TMEM47: variants seen among roughly 807,000 people sequenced by gnomAD.
The protein encoded by TMEM47 is transmembrane protein 47, also known as brain cell membrane protein 1.
A neutral mutation model predicts 12.4 loss-of-function variants in TMEM47; 3 were observed. That is an observed-to-expected ratio of 0.24 (90% CI 0.11 to 0.63). The LOEUF (loss-of-function observed/expected upper bound fraction) is 0.63. Among genes scored for constraint, TMEM47 ranks in the 20% least tolerant of loss-of-function variants. The pLI is 0.86. For synonymous variants in TMEM47, 62 were observed against 63.3 expected (o/e 0.98, Z 0.10); for missense variants, 89 against 143.8 (o/e 0.62, Z 1.95).
At position 34,639,253 on chromosome X, in the gene TMEM47, C is replaced by T; in HGVS notation, c.361G>A (p.Ala121Thr). ...FYRPVAVMLF[A>T]AVVLQVCSLV... ...AAGTAATGAATCTGTTTACCTGCTG[C>T]AAAAAGCATGACCGCAACAGGTCTA... Residue 121 changes from alanine to threonine, a missense_variant, in exon 2 of 3, where the codon GCA becomes ACA. Physicochemically the swap from Ala to Thr is moderately conservative, Grantham distance 58. Transcript: ENST00000275954. The T allele has an allele frequency of 8.4e-7, 1 of 1,188,598 alleles. No individual in the cohort carries two copies. The highest frequency in any genetic ancestry group is 1.1e-6 in the Non-Finnish European group (1 of 883,449).
intron 2 of TMEM47, among the ~76,000 whole-genome samples, chrX:34,634,642 A>G (rs1441928823): frequency 8.9e-6 from 1 of 112,132 alleles, no homozygotes; most frequent in Non-Finnish European, 1.9e-5. Context: ...TTCAACACAC[A>G]TTTACTGAGC....
intron 2 of TMEM47, among the ~76,000 whole-genome samples, chrX:34,636,930 T>C (rs1215716396): frequency 8.9e-6 from 1 of 111,988 alleles, no homozygotes; most frequent in Non-Finnish European, 1.9e-5. Flanking sequence ...GGAATCCTCA[T>C]TCGGGCTTTC....
intron 2 of TMEM47, among the ~76,000 whole-genome samples, chrX:34,635,094 C>T (rs1191508346): frequency 1.8e-5 from 2 of 111,750 alleles, no homozygotes; most frequent in African/African-American, 3.3e-5. Context: ...AAAGCCTCTT[C>T]AGCTGCCTAT....
chrX:34,657,284 C>A lies in TMEM47; in HGVS notation c.-255G>T. On this transcript the variant is annotated 5_prime_UTR_variant, in exon 1 of 3. Transcript: ENST00000275954. ...TTCGCCGCCGGCCCCGCGCCGCGCT[C>A]TGCCAGCGCCCGCGCCCGCTCCTCC... is the stretch of plus-strand genomic sequence containing the variant. 1 of 223,794 alleles carries A rather than the reference C, an allele frequency of 4.5e-6. No individual in the cohort carries two copies. Among genetic ancestry groups the A allele is most frequent in the Non-Finnish European group, 7.1e-6 (1 of 140,507 alleles). The allele number at this position is 223,794 out of a possible 1,213,427, so 18.4% of individuals were successfully genotyped here. A position where few individuals can be genotyped will look rare whatever the true frequency, so the allele number is the denominator to read the frequency against.
rs747008127 is a variant in TMEM47, at chrX:34,631,344, A to G, written c.368-853T>C. Among the ~76,000 whole-genome samples the G allele has an allele frequency of 3.6e-5, 4 of 110,376 alleles. No individual in the cohort carries two copies. In the East Asian group the frequency reaches 1.1e-3, roughly 31 times the overall value. On this transcript the variant is annotated intron_variant, in intron 2 of 2. Transcript: ENST00000275954. ...CTTTTGATGTTGTTGCTGCTTTGCA[A>G]TACTAACTCAGCCCAATATGCCAGA...
chrX:34,632,042 A>C (rs1307341064), intron 2 of TMEM47, among the ~76,000 whole-genome samples: 1 of 111,392 alleles, frequency 9.0e-6, no homozygotes, highest in Non-Finnish European at 1.9e-5. Context: ...ACACAGCCAC[A>C]CTCATTCATT....
At chrX:34,645,815 T>A (rs1343767187) in intron 1 of TMEM47, among the ~76,000 whole-genome samples, 1 of 112,274 alleles carries the variant, frequency 8.9e-6, no homozygotes, top group African/African-American at 3.2e-5. Context: ...GGCAAGTAAT[T>A]ATTTGTATTT....
Position 34,630,121 on chromosome X carries a change from T to C in TMEM47, c.*192A>G, listed in dbSNP as rs1436870004. The C allele has an allele frequency of 2.6e-6, 1 of 379,370 alleles. No homozygotes were observed. Among genetic ancestry groups the C allele is most frequent in the Non-Finnish European group, 4.6e-6 (1 of 218,840 alleles). The allele number at this position is 379,370 out of a possible 1,213,427, so 31.3% of individuals were successfully genotyped here. A position where few individuals can be genotyped will look rare whatever the true frequency, so the allele number is the denominator to read the frequency against. On this transcript the variant is annotated 3_prime_UTR_variant, in exon 3 of 3. Coordinates refer to ENST00000275954, the MANE Select transcript of TMEM47 (RefSeq NM_031442.4). ...GCCTATGTCTAATCAGCTCTCTTAA[T>C]TTGTGCAGATTTCTAAAATGGATGT...
rs191107015 is a variant in TMEM47 at position 34,649,856 on chromosome X, G to C, written c.226+6948C>G. Among the ~76,000 whole-genome samples the C allele has an allele frequency of 8.0e-3, 889 of 111,123 alleles. 5 individuals carry two copies. Among genetic ancestry groups the C allele is most frequent in the African/African-American group, 0.028 (853 of 30,510 alleles). On this transcript the variant is annotated intron_variant, in intron 1 of 2. Transcript: ENST00000275954. Reference sequence around the variant, plus strand: ...TTCTCCTGCCTCAGCCTCCCGAGTAGCTGGGACTACAGGAGCCCGCAACCA... The same window carrying C: ...TTCTCCTGCCTCAGCCTCCCGAGTACCTGGGACTACAGGAGCCCGCAACCA...
At chrX:34,654,416 C>A (rs1860540459) in intron 1 of TMEM47, among the ~76,000 whole-genome samples, 1 of 111,797 alleles carries the variant, frequency 8.9e-6, no homozygotes, top group Admixed American at 9.5e-5. Flanking sequence ...CTCTCAAAAT[C>A]TTCAGAGAAG....
chrX:34,655,760 C>T (rs192342103), intron 1 of TMEM47, among the ~76,000 whole-genome samples: 33 of 101,505 alleles, frequency 3.3e-4, no homozygotes, highest in Admixed American at 3.0e-3. Context: ...GTGTGTGAGT[C>T]TGTGTATGTG....
intron 1 of TMEM47, among the ~76,000 whole-genome samples, chrX:34,643,115 A>T (rs772818783): frequency 2.7e-5 from 3 of 111,589 alleles, no homozygotes; most frequent in Non-Finnish European, 3.8e-5. Flanking sequence ...TGCCAGCCTA[A>T]GAGGTGAACT....
rs1027423476 is a variant in TMEM47 at position 34,638,148 on chromosome X, G to A, written c.367+1099C>T. Among the ~76,000 whole-genome samples, 4 of 111,847 alleles carry A rather than the reference G, an allele frequency of 3.6e-5. No homozygotes were observed. In the Admixed American group the frequency reaches 3.8e-4, roughly 11 times the overall value. On this transcript the variant is annotated intron_variant, in intron 2 of 2. Coordinates refer to ENST00000275954, the MANE Select transcript of TMEM47 (RefSeq NM_031442.4). ...AATAGTTGCATAAATAAGTGAGGAA[G>A]TCAGTGGTTAATGAACCACTAGATT...
chrX:34,636,558 G>T (rs1921720008), intron 2 of TMEM47, among the ~76,000 whole-genome samples: 1 of 111,836 alleles, frequency 8.9e-6, no homozygotes, highest in Non-Finnish European at 1.9e-5. Context: ...GTGGCAAGAG[G>T]CAGTCCCTCT....
chrX:34,649,449 C>G (rs1921974811), intron 1 of TMEM47, among the ~76,000 whole-genome samples: 1 of 111,282 alleles, frequency 9.0e-6, no homozygotes, highest in Admixed American at 9.5e-5. Flanking sequence ...AACGCAGGAA[C>G]AGAAAACCAA....
At position 34,657,108 on chromosome X, in the gene TMEM47, G is replaced by A. The variant is rs2147144138; in HGVS notation, c.-79C>T. On this transcript the variant is annotated 5_prime_UTR_variant, in exon 1 of 3. Coordinates refer to ENST00000275954, the MANE Select transcript of TMEM47 (RefSeq NM_031442.4). ...CGGAGAGCCGGGAGCCGGACCTCCC[G>A]AAGGGAGAAGCCGCCGAGCTGCCAC... 9.4e-7 allele frequency: 1 copy of A among 1,060,704 alleles called. No individual in the cohort carries two copies. The highest frequency in any genetic ancestry group is 1.2e-6 in the Non-Finnish European group (1 of 826,746). 87.4% of individuals were successfully genotyped at this position (1,060,704 alleles called of 1,213,427 possible).
intron 2 of TMEM47, among the ~76,000 whole-genome samples, chrX:34,630,931 G>A (rs1921606510): frequency 9.2e-6 from 1 of 108,913 alleles, no homozygotes; most frequent in South Asian, 3.9e-4. Flanking sequence ...CCAGCACTTT[G>A]GGAGGCCCAG....
intron 1 of TMEM47, among the ~76,000 whole-genome samples, chrX:34,650,870 C>T (rs1335570798): frequency 2.7e-5 from 3 of 111,627 alleles, no homozygotes; most frequent in Non-Finnish European, 5.6e-5. Context: ...GTACAAGTAA[C>T]CAGTCATTAA....
At chrX:34,639,534 C>T in intron 1 of TMEM47, 147 bp from the exon 2 acceptor site, 1 of 592,526 alleles carries the variant, frequency 1.7e-6, no homozygotes, top group Admixed American at 3.9e-5. Context: ...TGTTTTGCAA[C>T]AAAAATGAAT....
Sources: allele counts gnomAD v4.1 joint callset (sites outside exome capture counted in the v4.1 genomes callset), GRCh38; gene constraint gnomAD v4.1.1; transcripts MANE v1.5; gene names NCBI Gene and HGNC (gene_info 2026-07-23, HGNC 2026-07-21).